CC2D2A: variants seen among roughly 807,000 people sequenced by gnomAD.
CC2D2A encodes coiled-coil and C2 domain-containing protein 2A.
Under a neutral mutation model 212.9 loss-of-function variants are expected in CC2D2A, and 155 were observed. The ratio of observed to expected loss-of-function variants is 0.73; its 90% CI spans 0.64 to 0.83. CC2D2A has a LOEUF of 0.83. Ranked by LOEUF, CC2D2A falls within the 40% of genes least tolerant of loss-of-function variation. CC2D2A has a pLI of 0.00. For missense variants in CC2D2A, 1,856 were observed against 1,956.2 expected (o/e 0.95, Z 0.97); for synonymous variants, 667 against 686.5 (o/e 0.97, Z 0.44).
Position 15,478,880 on chromosome 4 carries a change from A to G in CC2D2A, c.123+74A>G. 6 of 1,210,352 alleles carry G rather than the reference A, an allele frequency of 5.0e-6. No individual in the cohort carries two copies. In the South Asian group the frequency reaches 7.9e-5, roughly 16 times the overall value. 75.0% of individuals were successfully genotyped at this position (1,210,352 alleles called of 1,614,324 possible). On this transcript the variant is annotated intron_variant, in intron 3 of 36. Transcript: ENST00000424120. ...CCCGCCTGCATCCCCAGGGCCATACAGAATCCACAAGGGCAGCCTTCCTTC... is the reference window on the plus strand; with the variant it reads ...CCCGCCTGCATCCCCAGGGCCATACGGAATCCACAAGGGCAGCCTTCCTTC...
chr4:15,470,679 CTCTCTCTCTCTATATA>C (rs1477858820), intron 1 of CC2D2A, among the ~76,000 whole-genome samples: 3 of 70,358 alleles, frequency 4.3e-5, no homozygotes, highest in African/African-American at 1.2e-4. Flanking sequence ...CTCTCTCTCT[CTCTCTCTCTCTATATA>C]TATATATATA....
chr4:15,578,659 T>G (rs1720510899), intron 29 of CC2D2A, among the ~76,000 whole-genome samples: 1 of 152,216 alleles, frequency 6.6e-6, no homozygotes, highest in Non-Finnish European at 1.5e-5. Flanking sequence ...AGAGTCTCAC[T>G]CTGTTGCCCA....
intron 14 of CC2D2A, among the ~76,000 whole-genome samples, chr4:15,535,635 C>T (rs1303385196): frequency 6.6e-6 from 1 of 152,094 alleles, no homozygotes; most frequent in Non-Finnish European, 1.5e-5. Context: ...CCGAATTCCC[C>T]CTGGTGTTTA....
chr4:15,587,976 T>A (rs781696062), intron 32 of CC2D2A, 47 bp downstream of exon 32: 1 of 1,064,374 alleles, frequency 9.4e-7, no homozygotes. Flanking sequence ...AGTTGTCTAA[T>A]CGAGTTGTGT....
intron 23 of CC2D2A, among the ~76,000 whole-genome samples, chr4:15,562,562 C>T (rs1719663536): frequency 1.3e-5 from 2 of 152,234 alleles, no homozygotes; most frequent in Admixed American, 1.3e-4. Flanking sequence ...ATACCTCCTC[C>T]TCTTCTTCCA....
Position 15,566,834 on chromosome 4 carries a change from G to C in CC2D2A, c.3183-543G>C, listed in dbSNP as rs184617361. On this transcript the variant is annotated intron_variant, in intron 24 of 36. Coordinates refer to ENST00000424120, the MANE Select transcript of CC2D2A (RefSeq NM_001378615.1). The stretch of plus-strand genomic sequence containing the variant: ...ACAAAAAATTTTAAAAATTAGCTGG[G>C]CATGGTGGAGTGTGTTTGTAGTCCC... Among the ~76,000 whole-genome samples the C allele has an allele frequency of 2.5e-3, 379 of 152,226 alleles. 3 individuals are homozygous for C. The highest frequency in any genetic ancestry group is 8.8e-3 in the African/African-American group (364 of 41,514).
At chr4:15,491,243 C>G (rs1715289714) in intron 4 of CC2D2A, among the ~76,000 whole-genome samples, 1 of 152,206 alleles carries the variant, frequency 6.6e-6, no homozygotes, top group African/African-American at 2.4e-5. Flanking sequence ...TTCTCCACAT[C>G]TTTTCCAATA....
chr4:15,559,259 T>G lies in CC2D2A; in HGVS notation c.2922+2T>G. The G allele has an allele frequency of 6.5e-7, 1 of 1,540,114 alleles. No homozygotes were observed. The highest frequency in any genetic ancestry group is 8.8e-7 in the Non-Finnish European group (1 of 1,136,784). On this transcript the variant is annotated splice_donor_variant, in intron 22 of 36. Transcript: ENST00000424120. LOFTEE classifies it high-confidence loss of function. ...ATAGTAGCCAAGTACCTCCAGCAGG[T>G]AAGAAAAATCATATAAAACTGTCTT...
chr4:15,477,754 C>G (rs1351216384), intron 2 of CC2D2A, among the ~76,000 whole-genome samples: 1 of 152,150 alleles, frequency 6.6e-6, no homozygotes, highest in Non-Finnish European at 1.5e-5. Flanking sequence ...AGGCCCAAAC[C>G]AAGGCTATTC....
In CC2D2A at chr4:15,539,054, C is replaced by T. The variant is rs936028215; in HGVS notation, c.2003+917C>T. ...CCTCTATTGAATAAATAAATAAATACCCCAAACATTTTTAATACCTCACAT... is the reference window on the plus strand; with the variant it reads ...CCTCTATTGAATAAATAAATAAATATCCCAAACATTTTTAATACCTCACAT... On this transcript the variant is annotated intron_variant, in intron 16 of 36. Coordinates refer to ENST00000424120, the MANE Select transcript of CC2D2A (RefSeq NM_001378615.1). 3.9e-5 allele frequency among the ~76,000 whole-genome samples: 6 copies of T among 152,046 alleles called. No homozygotes were observed. In the South Asian group the frequency reaches 1.0e-3, roughly 26 times the overall value.
intron 3 of CC2D2A, chr4:15,479,423 AG>A (rs1267771013): frequency 1.0e-6 from 1 of 953,774 alleles, no homozygotes; most frequent in Non-Finnish European, 1.6e-6. Context: ...AGATGCCAGC[AG>A]GGGAGGGAGG....
At chr4:15,560,478 G>A in intron 22 of CC2D2A, 53 bp from the exon 23 acceptor site, 1 of 918,848 alleles carries the variant, frequency 1.1e-6, no homozygotes, top group Non-Finnish European at 1.7e-6. Context: ...TGTGGAGAGT[G>A]AACTACGAAG....
At chr4:15,490,350 AGTGT>A (rs1715228466) in intron 4 of CC2D2A, among the ~76,000 whole-genome samples, 1 of 152,090 alleles carries the variant, frequency 6.6e-6, no homozygotes, top group Non-Finnish European at 1.5e-5. Context: ...TATCCCTGTA[AGTGT>A]GTCTTTTCTG....
chr4:15,534,995 T>C (rs1280290850), intron 14 of CC2D2A, among the ~76,000 whole-genome samples: 1 of 151,782 alleles, frequency 6.6e-6, no homozygotes, highest in Non-Finnish European at 1.5e-5. Context: ...TTAGCTGTAA[T>C]TATAAAATTG....
intron 17 of CC2D2A, among the ~76,000 whole-genome samples, chr4:15,545,580 C>G (rs1407366730): frequency 6.6e-6 from 1 of 152,136 alleles, no homozygotes; most frequent in South Asian, 2.1e-4. Flanking sequence ...ATGTTTGTAA[C>G]CATAAGGCTC....
chr4:15,509,554 A>G (rs1263608596), intron 6 of CC2D2A, among the ~76,000 whole-genome samples: 1 of 152,206 alleles, frequency 6.6e-6, no homozygotes, highest in Non-Finnish European at 1.5e-5. Flanking sequence ...GAGTTCAAGC[A>G]TGAGCCACTG....
chr4:15,591,116 A>G (rs1196774168), intron 33 of CC2D2A, among the ~76,000 whole-genome samples: 3 of 152,152 alleles, frequency 2.0e-5, no homozygotes, highest in Non-Finnish European at 4.4e-5. Flanking sequence ...TGAATTATAT[A>G]TATTTTCGTA....
intron 20 of CC2D2A, among the ~76,000 whole-genome samples, chr4:15,556,626 C>G (rs1205259555): frequency 6.6e-6 from 1 of 152,208 alleles, no homozygotes; most frequent in Admixed American, 6.5e-5. Flanking sequence ...TCTTGGGGCA[C>G]TAGCTTTTCC....
chr4:15,481,941 T>A, intron 4 of CC2D2A: 1 of 985,416 alleles, frequency 1.0e-6, no homozygotes, highest in Non-Finnish European at 1.2e-6. Flanking sequence ...CACATATACT[T>A]CTCCCCCTAC....
Sources: allele counts gnomAD v4.1 joint callset (sites outside exome capture counted in the v4.1 genomes callset), GRCh38; gene constraint gnomAD v4.1.1; transcripts MANE v1.5; gene names NCBI Gene and HGNC (gene_info 2026-07-23, HGNC 2026-07-21).